Variants in LIFR observed in about 807,000 individuals in gnomAD.
LIFR encodes the protein leukemia inhibitory factor receptor.
In LIFR, 84 loss-of-function variants were observed where a neutral mutation model predicts 122.2. The observed-to-expected ratio is 0.69, with a 90% CI of 0.58 to 0.82. The LOEUF (loss-of-function observed/expected upper bound fraction) is 0.82, where lower values mean the gene tolerates loss of function less well. Among genes scored for constraint, LIFR ranks in the 40% least tolerant of loss-of-function variants. The pLI, the probability that LIFR is intolerant of heterozygous loss-of-function variation, is 0.00. For synonymous variants in LIFR, 422 were observed against 434.7 expected, an observed-to-expected ratio of 0.97 and a Z score of 0.36; for missense variants, 1,294 against 1,311.6, an observed-to-expected ratio of 0.99 and a Z score of 0.21.
In LIFR at chr5:38,480,111, TAAAAAACAAACAAACAACCAA is replaced by T. The variant is rs1743909697; in HGVS notation, c.*1463_*1483del. On this transcript the variant is annotated 3_prime_UTR_variant, in exon 20 of 20. Coordinates refer to ENST00000453190, the MANE Select transcript of LIFR (RefSeq NM_001127671.2). ...AAATACATTACAGAATCTCAGATGA[TAAAAAACAAACAAACAACCAA>T]AAAAAACAAACAAAAAAGACATATC... 2.7e-5 allele frequency: 6 copies of T among 222,322 alleles called. No homozygotes were observed. The highest frequency in any genetic ancestry group is 6.4e-5 in the East Asian group (1 of 15,690). 13.8% of individuals were successfully genotyped at this position (222,322 alleles called of 1,614,324 possible). A position where few individuals can be genotyped will look rare whatever the true frequency, so the allele number is the denominator to read the frequency against.
At chr5:38,555,043 GAGGAAAT>G (rs1215986925) in intron 1 of LIFR, 2 of 152,168 alleles carry the variant, frequency 1.3e-5, no homozygotes, top group African/African-American at 2.4e-5. Context: ...AATTCTTGAA[GAGGAAAT>G]AGCTGCTCCG....
chr5:38,591,879 G>A (rs1749932264), intron 1 of LIFR, among the ~76,000 whole-genome samples: 2 of 152,172 alleles, frequency 1.3e-5, no homozygotes, highest in South Asian at 4.1e-4. Context: ...TGATCTAGAA[G>A]ACACCTTAAA....
chr5:38,544,830 G>A (rs1023205232), intron 1 of LIFR, among the ~76,000 whole-genome samples: 4 of 152,116 alleles, frequency 2.6e-5, no homozygotes, highest in African/African-American at 9.7e-5. Flanking sequence ...CTCCTCTTCA[G>A]CGCTATAGCC....
At chr5:38,560,169 A>G (rs139574280), upstream of LIFR, among the ~76,000 whole-genome samples, 9 of 152,234 alleles carry the variant, frequency 5.9e-5, no homozygotes, top group East Asian at 1.9e-4. Flanking sequence ...TAAATTTTGG[A>G]AGCAAAAAAA....
chr5:38,519,148 T>C (rs1431893141), intron 5 of LIFR, among the ~76,000 whole-genome samples: 1 of 152,178 alleles, frequency 6.6e-6, no homozygotes, highest in Non-Finnish European at 1.5e-5. Context: ...GTTAATTTAT[T>C]ACCAAAGAAA....
intron 1 of LIFR, among the ~76,000 whole-genome samples, chr5:38,589,827 C>A (rs575703844): frequency 2.4e-4 from 36 of 151,878 alleles, no homozygotes; most frequent in African/African-American, 8.2e-4. Flanking sequence ...AAGGAAAAGC[C>A]CTTAGCTACA....
chr5:38,501,735 T>G (rs1745189892), intron 11 of LIFR, among the ~76,000 whole-genome samples: 2 of 151,280 alleles, frequency 1.3e-5, no homozygotes, highest in African/African-American at 4.9e-5. Flanking sequence ...AGTGAGACTC[T>G]GTCTCAAAAA....
intron 17 of LIFR, chr5:38,485,453 T>A (rs566371378): frequency 8.0e-5 from 25 of 311,802 alleles, no homozygotes; most frequent in South Asian, 1.6e-4. Flanking sequence ...TTACAAAAAA[T>A]TTTTTTAAGA....
Position 38,490,164 on chromosome 5 carries a change from T to C in LIFR, c.2167+26A>G, listed in dbSNP as rs372794828. 1.7e-5 allele frequency: 17 copies of C among 1,021,782 alleles called. No individual in the cohort carries two copies. The African/African-American group carries it at 2.7e-4, about 16-fold the overall frequency. 63.3% of individuals were successfully genotyped at this position (1,021,782 alleles called of 1,614,324 possible). On this transcript the variant is annotated intron_variant, in intron 15 of 19. Transcript: ENST00000453190. ...AATTTCTCATGTTGCCTTGAGCTCTTATAAATAAGTACCCATTTAACTTAC... is the reference window on the plus strand; with the variant it reads ...AATTTCTCATGTTGCCTTGAGCTCTCATAAATAAGTACCCATTTAACTTAC...
intron 8 of LIFR, 103 bp downstream of exon 8, chr5:38,506,400 T>C (rs934568532): frequency 2.9e-6 from 4 of 1,395,194 alleles, no homozygotes; most frequent in Non-Finnish European, 4.1e-6. Flanking sequence ...TGGTTTTATA[T>C]CTTGTTTGTA....
intron 1 of LIFR, among the ~76,000 whole-genome samples, chr5:38,566,907 C>T (rs1749044612): frequency 6.6e-6 from 1 of 152,158 alleles, no homozygotes; most frequent in South Asian, 2.1e-4. Flanking sequence ...TTGACATTTT[C>T]CATGGTGTAA....
chr5:38,504,213 G>A (rs893415461), intron 9 of LIFR, 92 bp from the exon 10 acceptor site: 16 of 923,774 alleles, frequency 1.7e-5, no homozygotes, highest in Non-Finnish European at 2.4e-5. Flanking sequence ...AAAAAACAAC[G>A]AGGCATCATT....
At chr5:38,583,432 A>C (rs1372837895) in intron 1 of LIFR, among the ~76,000 whole-genome samples, 4 of 152,184 alleles carry the variant, frequency 2.6e-5, no homozygotes, top group African/African-American at 9.7e-5. Context: ...TTCAGGCTAA[A>C]AAAGCAAAAA....
intron 2 of LIFR, among the ~76,000 whole-genome samples, chr5:38,605,944 CA>C (rs1166315414): frequency 2.0e-5 from 3 of 152,168 alleles, no homozygotes; most frequent in Non-Finnish European, 4.4e-5. Context: ...GTGCCCCGAC[CA>C]CCTCGTCGTC....
At chr5:38,514,801 A>C (rs2112509705) in intron 5 of LIFR, among the ~76,000 whole-genome samples, 1 of 152,322 alleles carries the variant, frequency 6.6e-6, no homozygotes, top group Admixed American at 6.5e-5. Context: ...ATACAGTATA[A>C]CTACTATTTA....
rs1744440343 is a variant in LIFR, at chr5:38,489,158, A to C, written c.2255T>G (p.Leu752Arg). 2 of 1,612,456 alleles carry C rather than the reference A, an allele frequency of 1.2e-6. No homozygotes were observed. Among genetic ancestry groups the C allele is most frequent in the African/African-American group, 1.3e-5 (1 of 74,902 alleles). ...CAAATATCCTCTTAAAAAGCCTCTA[A>C]GTTCTTCCACAGGAATGTCTTCCCA... Reference protein sequence around the residue: ...VKWEDIPVEELRGFLRGYLFY... With the variant: ...VKWEDIPVEERRGFLRGYLFY... Residue 752 changes from leucine (L) to arginine (R), a missense_variant, in exon 16 of 20, where the codon CTT (leucine) becomes CGT (arginine). Transcript: ENST00000453190.
intron 12 of LIFR, among the ~76,000 whole-genome samples, chr5:38,498,536 C>A (rs1362580408): frequency 6.6e-6 from 1 of 152,204 alleles, no homozygotes; most frequent in Non-Finnish European, 1.5e-5. Flanking sequence ...TGAAAACTCA[C>A]TATGACCAAA....
intron 2 of LIFR, among the ~76,000 whole-genome samples, chr5:38,602,562 C>T (rs188756582): frequency 8.2e-4 from 125 of 152,088 alleles, no homozygotes; most frequent in African/African-American, 2.9e-3. Flanking sequence ...CCAGCATTAG[C>T]GGGCTAAATT....
At chr5:38,507,468 G>A (rs780582464) in intron 7 of LIFR, among the ~76,000 whole-genome samples, 59 of 149,994 alleles carry the variant, frequency 3.9e-4, no homozygotes, top group Admixed American at 1.4e-3. Flanking sequence ...GGAGGCTGAG[G>A]CAGGAGAACC....
Sources: gnomAD v4.1 joint callset for allele counts (sites outside exome capture counted in the v4.1 genomes callset) on GRCh38, gnomAD v4.1.1 for gene constraint, MANE v1.5 for transcripts, NCBI Gene and HGNC (gene_info 2026-07-23, HGNC 2026-07-21) for gene names.